CUX1: variants seen among roughly 807,000 people sequenced by gnomAD.
CUX1 encodes protein CASP.
In CUX1, 31 loss-of-function variants were observed where a neutral mutation model predicts 158.8. The observed-to-expected ratio is 0.20, with a 90% CI of 0.15 to 0.26. The LOEUF (loss-of-function observed/expected upper bound fraction) is 0.26. Ranked by LOEUF, CUX1 falls within the 10% of genes least tolerant of loss-of-function variation. CUX1 has a pLI of 1.00. For missense variants in CUX1, 1,589 were observed against 2,014.6 expected (o/e 0.79, Z 4.04); for synonymous variants, 879 against 862.1 (o/e 1.02, Z -0.34).
At chr7:101,882,758 C>T (rs1056649921) in intron 1 of CUX1, among the ~76,000 whole-genome samples, 2 of 152,148 alleles carry the variant, frequency 1.3e-5, no homozygotes, top group Admixed American at 1.3e-4. Context: ...TGCTTTAAGC[C>T]CAGCCCCTCT....
intron 2 of CUX1, among the ~76,000 whole-genome samples, chr7:101,973,836 T>C (rs1484915247): frequency 6.6e-6 from 1 of 150,864 alleles, no homozygotes; most frequent in Non-Finnish European, 1.5e-5. Flanking sequence ...TGTCATGATC[T>C]CAGCTCACGG....
intron 1 of CUX1, among the ~76,000 whole-genome samples, chr7:101,890,780 G>A (rs1185817175): frequency 2.0e-5 from 3 of 152,030 alleles, no homozygotes; most frequent in African/African-American, 4.8e-5. Flanking sequence ...AATGAATTGG[G>A]CAAGTTAACC....
chr7:101,986,524 C>G (rs949341686), intron 2 of CUX1, among the ~76,000 whole-genome samples: 4 of 152,276 alleles, frequency 2.6e-5, no homozygotes, highest in African/African-American at 7.2e-5. Flanking sequence ...TTAATCTTCC[C>G]AAGGAGGATG....
intron 1 of CUX1, among the ~76,000 whole-genome samples, chr7:101,915,656 CA>C (rs1804102893): frequency 6.6e-6 from 1 of 152,148 alleles, no homozygotes; most frequent in Admixed American, 6.5e-5. Context: ...AGGACGGCCA[CA>C]CGGAATGCCC....
chr7:102,273,103 C>T (rs1464159140), intron 14 of CUX1, among the ~76,000 whole-genome samples: 5 of 152,384 alleles, frequency 3.3e-5, no homozygotes, highest in Non-Finnish European at 5.9e-5. Flanking sequence ...ACCTGAGCTC[C>T]TTCTCCTACC....
intron 6 of CUX1, among the ~76,000 whole-genome samples, chr7:102,109,675 T>C (rs1425992312): frequency 1.3e-4 from 19 of 151,998 alleles, no homozygotes; most frequent in Non-Finnish European, 8.8e-5. Flanking sequence ...TTCCAGCTTC[T>C]TGGGAGGCTA....
In CUX1 at chr7:102,251,697, C is replaced by G; in HGVS notation, c.*2655C>G. 2 of 985,370 alleles carry G rather than the reference C, an allele frequency of 2.0e-6. No individual in the cohort carries two copies. The highest frequency in any genetic ancestry group is 2.4e-6 in the Non-Finnish European group (2 of 829,922). 61.0% of individuals were successfully genotyped at this position (985,370 alleles called of 1,614,324 possible). ...AGGACAGTGAGTGGCAGAGCCCTGACGACTGTGGTGTCCTCTCCACAAAAC... is the reference window on the plus strand; with the variant it reads ...AGGACAGTGAGTGGCAGAGCCCTGAGGACTGTGGTGTCCTCTCCACAAAAC... On this transcript the variant is annotated 3_prime_UTR_variant, in exon 24 of 24. Coordinates refer to ENST00000292535, the MANE Select transcript of CUX1 (RefSeq NM_181552.4).
chr7:102,044,854 G>A lies in CUX1; in HGVS notation c.189+16709G>A, dbSNP rs564600536. 3.3e-5 allele frequency among the ~76,000 whole-genome samples: 5 copies of A among 152,218 alleles called. No homozygotes were observed. The East Asian group carries it at 9.6e-4, about 29-fold the overall frequency. On this transcript the variant is annotated intron_variant, in intron 3 of 23. Coordinates refer to ENST00000292535, the MANE Select transcript of CUX1 (RefSeq NM_181552.4). ...ACTGTGGAGCAGACCAGGCACTCTG[G>A]GGACAGGATGATGCGTTCTGGCTGG...
intron 1 of CUX1, among the ~76,000 whole-genome samples, chr7:101,889,282 T>TGA (rs56385419): frequency 0.38 from 55,456 of 146,070 alleles, 12,035 homozygotes; most frequent in African/African-American, 0.6. Flanking sequence ...AAAAAAGTGC[T>TGA]GAGAGAGATC....
At chr7:102,058,138 T>G (rs910323492) in intron 3 of CUX1, among the ~76,000 whole-genome samples, 1 of 152,236 alleles carries the variant, frequency 6.6e-6, no homozygotes, top group African/African-American at 2.4e-5. Flanking sequence ...ATTTTTTAAT[T>G]AAGATATGTA....
intron 14 of CUX1, among the ~76,000 whole-genome samples, chr7:102,195,870 G>A (rs1554518165): frequency 1.3e-5 from 2 of 152,212 alleles, no homozygotes; most frequent in South Asian, 4.1e-4. Context: ...TGGAATCCCC[G>A]GGAGGGACAG....
intron 23 of CUX1, among the ~76,000 whole-genome samples, chr7:102,245,291 A>G (rs1480014553): frequency 6.6e-6 from 1 of 151,996 alleles, no homozygotes; most frequent in African/African-American, 2.4e-5. Context: ...GTGATCTCCC[A>G]CCCAGGCCTC....
intron 18 of CUX1, chr7:102,280,022 TC>T (rs3831764): frequency 0.26 from 409,215 of 1,581,248 alleles, 57,133 homozygotes; most frequent in East Asian, 0.51. Flanking sequence ...TCTCTTCCCC[TC>T]CCTGTCTGTG....
intron 14 of CUX1, 141 bp from the exon 15 acceptor site, chr7:102,196,493 C>A: frequency 1.4e-6 from 1 of 691,772 alleles, no homozygotes; most frequent in Non-Finnish European, 2.3e-6. Flanking sequence ...CAAACCAACC[C>A]ACCTCATTGG....
intron 20 of CUX1, among the ~76,000 whole-genome samples, chr7:102,212,230 C>G (rs1315647209): frequency 2.0e-5 from 3 of 152,192 alleles, no homozygotes; most frequent in Non-Finnish European, 4.4e-5. Context: ...AGATCCTGCA[C>G]AGATGTCAGG....
intron 20 of CUX1, among the ~76,000 whole-genome samples, chr7:102,226,171 G>A (rs535474649): frequency 6.6e-6 from 1 of 152,308 alleles, no homozygotes; most frequent in South Asian, 2.1e-4. Flanking sequence ...TTTCCCACTG[G>A]GCACCCACGG....
chr7:101,888,612 C>T (rs1467165077), intron 1 of CUX1, among the ~76,000 whole-genome samples: 4 of 152,020 alleles, frequency 2.6e-5, no homozygotes, highest in Admixed American at 6.6e-5. Flanking sequence ...TAATTTGAGA[C>T]AGAGTCTCAC....
intron 2 of CUX1, among the ~76,000 whole-genome samples, chr7:101,988,699 T>A (rs1219633082): frequency 2.0e-5 from 3 of 151,920 alleles, no homozygotes. Flanking sequence ...TGCGACAGAG[T>A]CCTGCGTCGG....
chr7:101,939,033 C>T (rs1160041308), intron 2 of CUX1, among the ~76,000 whole-genome samples: 1 of 120,486 alleles, frequency 8.3e-6, no homozygotes, highest in Non-Finnish European at 1.6e-5. Context: ...AAGACCAAAA[C>T]TCTGTCTCAA....
Sources: allele counts gnomAD v4.1 joint callset (sites outside exome capture counted in the v4.1 genomes callset), GRCh38; gene constraint gnomAD v4.1.1; transcripts MANE v1.5; gene names NCBI Gene and HGNC (gene_info 2026-07-23, HGNC 2026-07-21).